EPHA6: variants seen among roughly 807,000 people sequenced by gnomAD.
The protein encoded by EPHA6 is ephrin type-A receptor 6.
In EPHA6, 50 loss-of-function variants were observed where a neutral mutation model predicts 112.0. That is an observed-to-expected ratio of 0.45 (90% confidence interval 0.36 to 0.56). The LOEUF (loss-of-function observed/expected upper bound fraction) is 0.56. Ranked by LOEUF, EPHA6 falls within the 20% of genes least tolerant of loss-of-function variation. The pLI, the probability that EPHA6 is intolerant of heterozygous loss-of-function variation, is 0.00. For missense variants in EPHA6, 1,280 were observed against 1,417.4 expected (o/e 0.90, Z 1.56); for synonymous variants, 529 against 490.7 (o/e 1.08, Z -1.03).
At chr3:97,325,659 C>A (rs1260698468) in intron 5 of EPHA6, among the ~76,000 whole-genome samples, 3 of 152,058 alleles carry the variant, frequency 2.0e-5, no homozygotes, top group African/African-American at 7.2e-5. Context: ...GATGGTATTT[C>A]TCTCACTTCA....
intron 7 of EPHA6, among the ~76,000 whole-genome samples, chr3:97,473,743 C>A (rs193252192): frequency 6.6e-6 from 1 of 151,896 alleles, no homozygotes; most frequent in East Asian, 1.9e-4. Context: ...GCACAACATT[C>A]ATTCCCATGA....
chr3:97,256,368 A>C (rs556070052), intron 5 of EPHA6, among the ~76,000 whole-genome samples: 1 of 152,138 alleles, frequency 6.6e-6, no homozygotes, highest in African/African-American at 2.4e-5. Flanking sequence ...GAGTATGGGA[A>C]GAGTTTTCCT....
intron 5 of EPHA6, among the ~76,000 whole-genome samples, chr3:97,395,690 A>G (rs1288731365): frequency 1.3e-5 from 2 of 151,574 alleles, no homozygotes; most frequent in South Asian, 2.1e-4. Context: ...GTTTTTTATT[A>G]TATTTCCCTT....
intron 11 of EPHA6, among the ~76,000 whole-genome samples, chr3:97,550,224 C>G (rs764897267): frequency 2.6e-5 from 4 of 151,984 alleles, no homozygotes; most frequent in African/African-American, 4.8e-5. Flanking sequence ...CAGTAAGAAC[C>G]CTAAAGTCTT....
intron 1 of EPHA6, among the ~76,000 whole-genome samples, chr3:96,821,797 G>A (rs928946408): frequency 6.6e-6 from 1 of 151,738 alleles, no homozygotes. Context: ...TTATTTTAAA[G>A]TTAAGATAAT....
chr3:97,089,265 A>G lies in EPHA6; in HGVS notation c.1114+101272A>G, dbSNP rs536132927. On this transcript the variant is annotated intron_variant, in intron 3 of 17. Coordinates refer to ENST00000389672, the MANE Select transcript of EPHA6 (RefSeq NM_001080448.3). The stretch of plus-strand genomic sequence containing the variant: ...ACAGACAAAAACTAAATAAATTACT[A>G]TGGAAAAATAGTTAACTAATATCAA... 9.8e-5 allele frequency among the ~76,000 whole-genome samples: 15 copies of G among 152,314 alleles called. No homozygotes were observed. The South Asian group carries it at 3.1e-3, about 32-fold the overall frequency.
At chr3:97,362,529 G>A (rs2084428820) in intron 5 of EPHA6, among the ~76,000 whole-genome samples, 1 of 152,018 alleles carries the variant, frequency 6.6e-6, no homozygotes, top group African/African-American at 2.4e-5. Context: ...ATTTAAGAAT[G>A]TTATATGTAT....
intron 11 of EPHA6, among the ~76,000 whole-genome samples, chr3:97,559,168 A>G (rs2093154487): frequency 6.6e-6 from 1 of 152,034 alleles, no homozygotes; most frequent in Non-Finnish European, 1.5e-5. Context: ...ACAAACTGCT[A>G]GTATTACCAA....
At chr3:97,586,558 G>C (rs2093490346) in intron 11 of EPHA6, among the ~76,000 whole-genome samples, 2 of 152,108 alleles carry the variant, frequency 1.3e-5, no homozygotes, top group Non-Finnish European at 2.9e-5. Context: ...AAAAAAGAGA[G>C]AGGCATGTAG....
intron 1 of EPHA6, among the ~76,000 whole-genome samples, chr3:96,844,966 G>A (rs1254711664): frequency 1.3e-5 from 2 of 151,844 alleles, no homozygotes; most frequent in Non-Finnish European, 2.9e-5. Flanking sequence ...GACCAAGTTT[G>A]AACATGTGTA....
At chr3:97,438,119 A>G (rs1037927271) in intron 6 of EPHA6, among the ~76,000 whole-genome samples, 2 of 152,172 alleles carry the variant, frequency 1.3e-5, no homozygotes, top group Non-Finnish European at 2.9e-5. Flanking sequence ...ATCAAACTTT[A>G]AACACTTAAT....
intron 5 of EPHA6, among the ~76,000 whole-genome samples, chr3:97,250,178 G>A (rs1001137144): frequency 3.9e-5 from 6 of 152,192 alleles, no homozygotes; most frequent in African/African-American, 1.4e-4. Flanking sequence ...TAACAAGAAA[G>A]TATTAATGGC....
chr3:97,173,562 C>T (rs1281392407), intron 3 of EPHA6, among the ~76,000 whole-genome samples: 2 of 151,806 alleles, frequency 1.3e-5, no homozygotes, highest in Non-Finnish European at 3.0e-5. Context: ...ACATTAACTA[C>T]ACTCTTAATT....
chr3:97,568,552 C>T lies in EPHA6; in HGVS notation c.2387-24060C>T, dbSNP rs185323391. On this transcript the variant is annotated intron_variant, in intron 11 of 17. Transcript: ENST00000389672. ...AACCATCTACAGCTCTCAGAGAGCA[C>T]CATGCTCTTCAGAGCAGCTCCTTAT... is the stretch of plus-strand genomic sequence containing the variant. Among the ~76,000 whole-genome samples, 13 of 152,304 alleles carry T rather than the reference C, an allele frequency of 8.5e-5. No individual in the cohort carries two copies. The East Asian group carries it at 2.5e-3, about 29-fold the overall frequency.
chr3:96,928,720 G>A (rs933271126), intron 2 of EPHA6, among the ~76,000 whole-genome samples: 2 of 152,040 alleles, frequency 1.3e-5, no homozygotes, highest in African/African-American at 4.8e-5. Flanking sequence ...CAGTGGGGTG[G>A]TAAAGTCTCC....
intron 3 of EPHA6, among the ~76,000 whole-genome samples, chr3:97,116,844 T>A (rs959713782): frequency 3.6e-4 from 54 of 151,654 alleles, no homozygotes; most frequent in African/African-American, 1.1e-3. Context: ...CCTTTGGACA[T>A]ATATTTAGAA....
chr3:97,178,737 G>A (rs1436648199), intron 3 of EPHA6, among the ~76,000 whole-genome samples: 2 of 152,030 alleles, frequency 1.3e-5, no homozygotes, highest in Admixed American at 6.6e-5. Flanking sequence ...TCCATTGTAT[G>A]TTATTCGTTT....
intron 5 of EPHA6, among the ~76,000 whole-genome samples, chr3:97,323,304 AAAG>A (rs1283971949): frequency 6.6e-6 from 1 of 151,966 alleles, no homozygotes; most frequent in East Asian, 1.9e-4. Context: ...TATTCTGACA[AAAG>A]AAGTAAATAC....
At chr3:97,027,902 A>G (rs1043139276) in intron 3 of EPHA6, among the ~76,000 whole-genome samples, 2 of 152,126 alleles carry the variant, frequency 1.3e-5, no homozygotes. Flanking sequence ...TTGGGACACA[A>G]ATTTTCTTCC....
Sources: allele counts gnomAD v4.1 joint callset (sites outside exome capture counted in the v4.1 genomes callset), GRCh38; gene constraint gnomAD v4.1.1; transcripts MANE v1.5; gene names NCBI Gene and HGNC (gene_info 2026-07-23, HGNC 2026-07-21).